Variants in PLXNA4 observed in about 807,000 individuals in gnomAD.
PLXNA4 encodes the protein plexin A4.
A neutral mutation model predicts 191.8 loss-of-function variants in PLXNA4; 44 were observed. The ratio of observed to expected loss-of-function variants is 0.23; its 90% CI spans 0.18 to 0.29. The LOEUF (loss-of-function observed/expected upper bound fraction) is 0.29, where lower values mean the gene tolerates loss of function less well. Ranked by LOEUF, PLXNA4 falls within the 10% of genes least tolerant of loss-of-function variation. The probability of loss-of-function intolerance (pLI) is 1.00; values close to 1 mark genes in which losing one functional copy is unlikely to be tolerated. For missense variants in PLXNA4, 1,800 were observed against 2,488.8 expected (o/e 0.72, Z 5.89); for synonymous variants, 1,082 against 1,009.5 (o/e 1.07, Z -1.36).
chr7:132,510,031 C>T (rs1393547545), intron 1 of PLXNA4, among the ~76,000 whole-genome samples: 1 of 152,156 alleles, frequency 6.6e-6, no homozygotes, highest in East Asian at 1.9e-4. Flanking sequence ...CAAAACTCCC[C>T]GAGGAACAAG....
At chr7:132,228,036 T>C (rs1798389468) in intron 6 of PLXNA4, among the ~76,000 whole-genome samples, 1 of 152,218 alleles carries the variant, frequency 6.6e-6, no homozygotes, top group Non-Finnish European at 1.5e-5. Context: ...TCCCATTTTA[T>C]AGTTGAAGAT....
intron 3 of PLXNA4, among the ~76,000 whole-genome samples, chr7:132,434,677 C>A (rs895206635): frequency 2.6e-4 from 39 of 152,194 alleles, no homozygotes; most frequent in Non-Finnish European, 4.1e-4. Context: ...AGAACATGAA[C>A]CCCATCTTGC....
chr7:132,314,604 C>A (rs919404345), intron 3 of PLXNA4, among the ~76,000 whole-genome samples: 20 of 152,104 alleles, frequency 1.3e-4, no homozygotes, highest in African/African-American at 4.8e-4. Context: ...TGGAGAATAT[C>A]AAGAAAAACT....
chr7:132,624,170 G>A (rs1803325995), intron 2 of PLXNA4, among the ~76,000 whole-genome samples: 1 of 152,126 alleles, frequency 6.6e-6, no homozygotes, highest in African/African-American at 2.4e-5. Context: ...CTAGTCCCAA[G>A]GCAGTTGCAA....
At chr7:132,443,693 T>C (rs1314110421) in intron 3 of PLXNA4, among the ~76,000 whole-genome samples, 1 of 152,240 alleles carries the variant, frequency 6.6e-6, no homozygotes. Flanking sequence ...TCTGCATCCT[T>C]TCTTTATTAC....
intron 2 of PLXNA4, among the ~76,000 whole-genome samples, chr7:132,601,620 T>C (rs1194098853): frequency 1.3e-5 from 2 of 152,218 alleles, no homozygotes; most frequent in Non-Finnish European, 2.9e-5. Context: ...AAGAACAAGA[T>C]AAAGTGCCTG....
chr7:132,520,501 G>A (rs940592646), intron 1 of PLXNA4, among the ~76,000 whole-genome samples: 2 of 152,128 alleles, frequency 1.3e-5, no homozygotes, highest in Non-Finnish European at 2.9e-5. Flanking sequence ...TAGACCCCTC[G>A]ACAGGTTGAC....
chr7:132,320,131 T>C (rs1802105710), intron 3 of PLXNA4, among the ~76,000 whole-genome samples: 1 of 152,156 alleles, frequency 6.6e-6, no homozygotes, highest in Non-Finnish European at 1.5e-5. Context: ...ACAAACAAAC[T>C]CTGAAAACCC....
At chr7:132,503,821 C>A (rs1017413112) in intron 2 of PLXNA4, among the ~76,000 whole-genome samples, 2 of 152,234 alleles carry the variant, frequency 1.3e-5, no homozygotes, top group African/African-American at 4.8e-5. Context: ...AGGACCCCCC[C>A]TCATACCCAT....
chr7:132,283,122 C>T (rs571561100), intron 4 of PLXNA4, among the ~76,000 whole-genome samples: 7 of 152,240 alleles, frequency 4.6e-5, no homozygotes, highest in Non-Finnish European at 5.9e-5. Context: ...TCACTGGCCT[C>T]GGCCTCCGAG....
chr7:132,342,946 C>CAAA (rs370055779), intron 3 of PLXNA4, among the ~76,000 whole-genome samples: 33,648 of 101,664 alleles, frequency 0.33, 4,871 homozygotes, highest in Admixed American at 0.42. Flanking sequence ...GACTCTGCCT[C>CAAA]AAAAAAAAAA....
intron 24 of PLXNA4, among the ~76,000 whole-genome samples, chr7:132,163,652 CA>C (rs1467842760): frequency 6.6e-6 from 1 of 152,158 alleles, no homozygotes; most frequent in Non-Finnish European, 1.5e-5. Flanking sequence ...TGCCTTGCAC[CA>C]CTAGGCCACC....
In PLXNA4 at chr7:132,140,822, GGA is replaced by G; in HGVS notation, c.5226-13_5226-12del. On this transcript the variant is annotated splice_polypyrimidine_tract_variant and intron_variant, in intron 29 of 31. Transcript: ENST00000321063. ...AACCTCAGGGGCAGGCTGCGTGGAA[GGA>G]AGAGGCAGATGGTCAGGAAAGACGG... 1.9e-6 allele frequency: 3 copies of G among 1,613,844 alleles called. No individual in the cohort carries two copies. The highest frequency in any genetic ancestry group is 2.5e-6 in the Non-Finnish European group (3 of 1,179,838).
chr7:132,646,372 G>A (rs1803870265), intron 1 of PLXNA4, among the ~76,000 whole-genome samples: 1 of 152,128 alleles, frequency 6.6e-6, no homozygotes, highest in African/African-American at 2.4e-5. Flanking sequence ...TCCCTGTTAT[G>A]GACTGAATGT....
intron 25 of PLXNA4, 72 bp downstream of exon 25, chr7:132,159,401 T>C: frequency 3.2e-6 from 5 of 1,581,044 alleles, no homozygotes; most frequent in Non-Finnish European, 4.3e-6. Context: ...GCCCTGCCTC[T>C]GCTGACAGGA....
intron 1 of PLXNA4, among the ~76,000 whole-genome samples, chr7:132,553,011 A>G (rs1411088226): frequency 6.6e-6 from 1 of 152,160 alleles, no homozygotes; most frequent in Non-Finnish European, 1.5e-5. Flanking sequence ...CTGGGGTGCT[A>G]TGGGCTCCCA....
rs372461782 is a variant in PLXNA4 at position 132,179,859 on chromosome 7, G to T, written c.3702C>A (p.Leu1234=). 2 of 1,613,410 alleles carry T rather than the reference G, an allele frequency of 1.2e-6. No individual in the cohort carries two copies. The highest frequency in any genetic ancestry group is 3.3e-5 in the Admixed American group (2 of 59,992). ...CGATGCTGACGATGGCGGGCAGGCT[G>T]AGCGGGCTGTCCGGGGCAATGTACA... ...GMVYIAPDSP[L]SLPAIVSIAV... The change falls in exon 20 of 32, where the codon CTC becomes CTA. Residue 1234 remains leucine (L), a synonymous_variant. Coordinates refer to ENST00000321063, the MANE Select transcript of PLXNA4 (RefSeq NM_020911.2).
chr7:132,323,270 C>G (rs929525655), intron 3 of PLXNA4, among the ~76,000 whole-genome samples: 1 of 152,162 alleles, frequency 6.6e-6, no homozygotes, highest in Non-Finnish European at 1.5e-5. Context: ...CTGGTGGGCA[C>G]AGGAAACCGA....
chr7:132,383,692 T>A, intron 3 of PLXNA4: 1 of 982,854 alleles, frequency 1.0e-6, no homozygotes, highest in Non-Finnish European at 1.2e-6. Context: ...AATTCCAATT[T>A]TTGATAGACT....
Sources: gnomAD v4.1 joint callset for allele counts (sites outside exome capture counted in the v4.1 genomes callset) on GRCh38, gnomAD v4.1.1 for gene constraint, MANE v1.5 for transcripts, NCBI Gene and HGNC (gene_info 2026-07-23, HGNC 2026-07-21) for gene names.